Variants in PTPRG observed in about 807,000 individuals in gnomAD.
PTPRG encodes protein tyrosine phosphatase receptor type G.
PTPRG carries 102 observed loss-of-function variants against 165.3 expected under a neutral mutation model. The ratio of observed to expected loss-of-function variants is 0.62; its 90% confidence interval spans 0.53 to 0.73. The LOEUF is 0.73. PTPRG is among the 30% of genes least tolerant of loss of function. PTPRG has a pLI of 0.00. For synonymous variants in PTPRG, 675 were observed against 669.5 expected, an observed-to-expected ratio of 1.01 and a Z score of -0.13; for missense variants, 1,866 against 1,861.4, an observed-to-expected ratio of 1.00 and a Z score of -0.05.
At chr3:61,940,180 C>T (rs891643477) in intron 2 of PTPRG, among the ~76,000 whole-genome samples, 13 of 152,008 alleles carry the variant, frequency 8.6e-5, no homozygotes, top group Non-Finnish European at 1.5e-4. Context: ...TTCCTGACGT[C>T]AGGTGATCCA....
chr3:61,941,109 T>C (rs914894863), intron 2 of PTPRG, among the ~76,000 whole-genome samples: 2 of 152,222 alleles, frequency 1.3e-5, no homozygotes, highest in Non-Finnish European at 2.9e-5. Context: ...ATGGAAAGAA[T>C]ACTGCCATCT....
chr3:61,563,535 G>T (rs1206046480), intron 1 of PTPRG, among the ~76,000 whole-genome samples: 1 of 152,186 alleles, frequency 6.6e-6, no homozygotes, highest in East Asian at 1.9e-4. Context: ...GCCCGGGGAA[G>T]GGCTGGAAGA....
intron 1 of PTPRG, among the ~76,000 whole-genome samples, chr3:61,744,145 A>G (rs541043286): frequency 3.9e-5 from 6 of 152,332 alleles, no homozygotes; most frequent in Admixed American, 1.3e-4. Flanking sequence ...GCTCCTTGCC[A>G]ATAAAATATT....
rs573510797 is a variant in PTPRG at position 62,199,573 on chromosome 3, CTGTTTTGTTT to C, written c.1328-1915_1328-1906del. Among the ~76,000 whole-genome samples, 1,473 of 152,262 alleles carry C rather than the reference CTGTTTTGTTT, an allele frequency of 9.7e-3. 26 individuals are homozygous for C. The highest frequency in any genetic ancestry group is 0.033 in the African/African-American group (1,356 of 41,544). On this transcript the variant is annotated intron_variant, in intron 10 of 29. Coordinates refer to ENST00000474889, the MANE Select transcript of PTPRG (RefSeq NM_002841.4). ...CCATCTACAATATTGGTGGCAAATT[CTGTTTTGTTT>C]TGTTTTGTTTTGTTTTTATAGAAGT...
chr3:62,092,063 GACACACACACACAC>G (rs58689072), intron 5 of PTPRG, among the ~76,000 whole-genome samples: 6,729 of 114,766 alleles, frequency 0.059, 317 homozygotes, highest in East Asian at 0.077. Flanking sequence ...CTTATACATG[GACACACACACACAC>G]ACACACACAC....
chr3:61,696,549 G>A (rs1007776810), intron 1 of PTPRG, among the ~76,000 whole-genome samples: 8 of 152,196 alleles, frequency 5.3e-5, no homozygotes, highest in African/African-American at 1.9e-4. Flanking sequence ...TATTTGCAAT[G>A]TGAGCCCACA....
chr3:61,634,908 T>C (rs1575553394), intron 1 of PTPRG, among the ~76,000 whole-genome samples: 1 of 152,250 alleles, frequency 6.6e-6, no homozygotes, highest in East Asian at 1.9e-4. Flanking sequence ...TTCAAGCTGT[T>C]GATATAGTTC....
chr3:62,154,807 T>C (rs1448038755), intron 6 of PTPRG, among the ~76,000 whole-genome samples: 2 of 152,142 alleles, frequency 1.3e-5, no homozygotes, highest in African/African-American at 2.4e-5. Flanking sequence ...GGCAGGTTGG[T>C]GTGCTGCAGT....
At chr3:61,884,383 A>G (rs2037971998) in intron 2 of PTPRG, among the ~76,000 whole-genome samples, 1 of 152,314 alleles carries the variant, frequency 6.6e-6, no homozygotes, top group Middle Eastern at 3.4e-3. Flanking sequence ...GCCCTCAGGG[A>G]ATTGAGTCTG....
intron 2 of PTPRG, among the ~76,000 whole-genome samples, chr3:61,912,326 C>T (rs538202676): frequency 6.6e-6 from 1 of 152,232 alleles, no homozygotes; most frequent in South Asian, 2.1e-4. Context: ...AACTAGCCCA[C>T]TGAGAAGGTA....
At chr3:61,903,599 C>T (rs921793538) in intron 2 of PTPRG, among the ~76,000 whole-genome samples, 2 of 152,138 alleles carry the variant, frequency 1.3e-5, no homozygotes, top group African/African-American at 4.8e-5. Context: ...GTCTGGAACT[C>T]CTGACCTCAG....
At chr3:61,860,472 G>A (rs1284011663) in intron 2 of PTPRG, among the ~76,000 whole-genome samples, 2 of 106,628 alleles carry the variant, frequency 1.9e-5, no homozygotes, top group East Asian at 5.4e-4. Context: ...ACGAAGTCTC[G>A]CTTTGTTGCC....
chr3:61,964,060 A>G (rs1253326334), intron 2 of PTPRG, among the ~76,000 whole-genome samples: 1 of 152,230 alleles, frequency 6.6e-6, no homozygotes, highest in Admixed American at 6.5e-5. Flanking sequence ...ACATGCAGGG[A>G]ACACATAAGT....
chr3:62,211,487 G>A (rs1315473168), intron 12 of PTPRG, among the ~76,000 whole-genome samples: 1 of 152,184 alleles, frequency 6.6e-6, no homozygotes, highest in East Asian at 1.9e-4. Context: ...AAATGGTTAA[G>A]ATGGTAAATT....
chr3:61,793,558 CTTATT>C (rs1371526123), intron 2 of PTPRG, among the ~76,000 whole-genome samples: 3 of 152,106 alleles, frequency 2.0e-5, no homozygotes, highest in African/African-American at 7.2e-5. Flanking sequence ...GAGTCAATTC[CTTATT>C]TTATTTATTT....
chr3:61,623,862 C>T (rs1701533521), intron 1 of PTPRG, among the ~76,000 whole-genome samples: 1 of 152,166 alleles, frequency 6.6e-6, no homozygotes. Context: ...TCTGAGGAGA[C>T]AGGAGCAGGC....
intron 2 of PTPRG, among the ~76,000 whole-genome samples, chr3:61,853,929 G>C (rs1402333811): frequency 6.6e-6 from 1 of 152,130 alleles, no homozygotes; most frequent in Non-Finnish European, 1.5e-5. Flanking sequence ...TGAATATGTG[G>C]CCATGGCCAT....
At chr3:62,125,739 C>A (rs191880692) in intron 5 of PTPRG, among the ~76,000 whole-genome samples, 3 of 149,316 alleles carry the variant, frequency 2.0e-5, no homozygotes, top group African/African-American at 7.4e-5. Context: ...AAACAGTTTG[C>A]AACGTAGCTT....
chr3:61,986,317 T>C (rs920435725), intron 2 of PTPRG, among the ~76,000 whole-genome samples: 3 of 152,176 alleles, frequency 2.0e-5, no homozygotes, highest in Non-Finnish European at 4.4e-5. Flanking sequence ...GTTCTCAGAG[T>C]TTACCACCAG....
Sources: allele counts gnomAD v4.1 joint callset (sites outside exome capture counted in the v4.1 genomes callset), GRCh38; gene constraint gnomAD v4.1.1; transcripts MANE v1.5; gene names NCBI Gene and HGNC (gene_info 2026-07-23, HGNC 2026-07-21).